Variants in PTPRM observed in about 807,000 individuals in gnomAD.
The protein encoded by PTPRM is receptor-type tyrosine-protein phosphatase mu.
In PTPRM, 47 loss-of-function variants were observed where a neutral mutation model predicts 186.7. That is an observed-to-expected ratio of 0.25 (90% CI 0.20 to 0.32). PTPRM has a LOEUF of 0.32. Among genes scored for constraint, PTPRM ranks in the 10% least tolerant of loss-of-function variants. The pLI, the probability that PTPRM is intolerant of heterozygous loss-of-function variation, is 1.00. For synonymous variants in PTPRM, 668 were observed against 674.9 expected (o/e 0.99, Z 0.16); for missense variants, 1,494 against 1,865.0 (o/e 0.80, Z 3.66).
intron 7 of PTPRM, among the ~76,000 whole-genome samples, chr18:8,049,853 A>G (rs1483836271): frequency 1.3e-5 from 2 of 151,910 alleles, no homozygotes; most frequent in African/African-American, 4.8e-5. Flanking sequence ...CTGAGACTAT[A>G]GGCACACACC....
chr18:7,777,461 C>T (rs1598652379), intron 2 of PTPRM, among the ~76,000 whole-genome samples: 1 of 152,314 alleles, frequency 6.6e-6, no homozygotes, highest in Non-Finnish European at 1.5e-5. Context: ...TTTCAAGCTA[C>T]AGTGAGAGTT....
intron 6 of PTPRM, among the ~76,000 whole-genome samples, chr18:7,951,664 C>G (rs923267746): frequency 5.9e-5 from 9 of 152,080 alleles, no homozygotes; most frequent in African/African-American, 1.7e-4. Context: ...AATTTGCATG[C>G]AGTTAGGACT....
At chr18:8,340,576 T>A (rs1222288923) in intron 22 of PTPRM, among the ~76,000 whole-genome samples, 1 of 152,202 alleles carries the variant, frequency 6.6e-6, no homozygotes, top group Non-Finnish European at 1.5e-5. Flanking sequence ...TGAGGTGGCA[T>A]GGTCATGTTC....
chr18:7,725,415 A>AG (rs1382552419), intron 1 of PTPRM, among the ~76,000 whole-genome samples: 1 of 152,112 alleles, frequency 6.6e-6, no homozygotes, highest in Non-Finnish European at 1.5e-5. Context: ...AATTCTGGGC[A>AG]GAAAAGGACG....
intron 4 of PTPRM, among the ~76,000 whole-genome samples, chr18:7,918,651 T>C (rs144958639): frequency 6.6e-6 from 1 of 152,202 alleles, no homozygotes; most frequent in African/African-American, 2.4e-5. Flanking sequence ...TTGGACTATT[T>C]GTATTTTTGC....
intron 7 of PTPRM, among the ~76,000 whole-genome samples, chr18:8,014,826 T>C (rs1025529782): frequency 6.6e-6 from 1 of 152,168 alleles, no homozygotes; most frequent in African/African-American, 2.4e-5. Flanking sequence ...GGATTATCCT[T>C]TGTAATAGCT....
At chr18:8,273,294 A>G (rs1032318638) in intron 19 of PTPRM, among the ~76,000 whole-genome samples, 1 of 152,140 alleles carries the variant, frequency 6.6e-6, no homozygotes, top group South Asian at 2.1e-4. Flanking sequence ...TTCCCTATAT[A>G]GGAAGTTCAT....
At chr18:8,192,475 C>A (rs1428506953) in intron 14 of PTPRM, among the ~76,000 whole-genome samples, 1 of 152,092 alleles carries the variant, frequency 6.6e-6, no homozygotes, top group Non-Finnish European at 1.5e-5. Context: ...CAAAAGAACA[C>A]AAGAGCCTGC....
rs138480913 is a variant in PTPRM, at chr18:7,832,710, G to A, written c.197-55396G>A. Among the ~76,000 whole-genome samples the A allele has an allele frequency of 7.3e-4, 111 of 152,198 alleles. 1 individual carries two copies. Among genetic ancestry groups the A allele is most frequent in the African/African-American group, 2.6e-3 (109 of 41,522 alleles). ...TATTTGCCCAGACCAATGTCCTGGC[G>A]AGCTCTTCTGATGTTTTATTGTAGT... On this transcript the variant is annotated intron_variant, in intron 2 of 32. Coordinates refer to ENST00000580170, the MANE Select transcript of PTPRM (RefSeq NM_001105244.2).
Position 8,238,670 on chromosome 18 carries a change from T to TTTTTG in PTPRM, c.2301-5384_2301-5383insGTTTT, listed in dbSNP as rs1568578317. Among the ~76,000 whole-genome samples, 58 of 105,696 alleles carry TTTTTG rather than the reference T, an allele frequency of 5.5e-4. 1 individual carries two copies. The highest frequency in any genetic ancestry group is 2.2e-3 in the African/African-American group (54 of 24,202). The allele number at this position is 105,696 out of a possible 152,430, so 69.3% of individuals were successfully genotyped here. Reference sequence around the variant, plus strand: ...TTGTGTGTTTTTTTTTTTTTTTTTTTTTTTTTTTTTTTTTGCGAAGCTACA... The same window carrying TTTTTG: ...TTGTGTGTTTTTTTTTTTTTTTTTTTTTTTGTTTTTTTTTTTTTTGCGAAGCTACA... On this transcript the variant is annotated intron_variant, in intron 14 of 32. Transcript: ENST00000580170.
chr18:8,235,401 T>G (rs1426114067), intron 14 of PTPRM, among the ~76,000 whole-genome samples: 1 of 151,428 alleles, frequency 6.6e-6, no homozygotes, highest in Non-Finnish European at 1.5e-5. Context: ...TTAATGTCCA[T>G]GGGATCTGTA....
chr18:7,905,043 G>A (rs2049905319), intron 3 of PTPRM, among the ~76,000 whole-genome samples: 1 of 151,574 alleles, frequency 6.6e-6, no homozygotes, highest in South Asian at 2.1e-4. Flanking sequence ...GCCCAGGCTG[G>A]AGTGCAATGG....
intron 2 of PTPRM, among the ~76,000 whole-genome samples, chr18:7,852,560 C>A (rs369849526): frequency 4.6e-5 from 7 of 151,768 alleles, no homozygotes; most frequent in Non-Finnish European, 7.4e-5. Flanking sequence ...TAGTGGCGGG[C>A]GCCTGTAGTT....
In PTPRM at chr18:7,934,808, G is replaced by A. The variant is rs181038762; in HGVS notation, c.663+8125G>A. ...TCACAAGAGCTCGGATTTGAACCCA[G>A]GCCGTCTATGTTGTATCGTAACCAT... is the stretch of plus-strand genomic sequence containing the variant. On this transcript the variant is annotated intron_variant, in intron 5 of 32. Coordinates refer to ENST00000580170, the MANE Select transcript of PTPRM (RefSeq NM_001105244.2). 1.2e-4 allele frequency among the ~76,000 whole-genome samples: 18 copies of A among 152,236 alleles called. No individual in the cohort carries two copies. In the East Asian group the frequency reaches 3.3e-3, roughly 28 times the overall value.
intron 1 of PTPRM, among the ~76,000 whole-genome samples, chr18:7,709,239 G>T (rs1202562602): frequency 6.6e-6 from 1 of 152,032 alleles, no homozygotes; most frequent in African/African-American, 2.4e-5. Flanking sequence ...AATAAAACTG[G>T]AAATTAACTT....
chr18:8,171,719 T>TC (rs1156743133), intron 14 of PTPRM, among the ~76,000 whole-genome samples: 1 of 152,172 alleles, frequency 6.6e-6, no homozygotes, highest in Non-Finnish European at 1.5e-5. Flanking sequence ...GTGGTAATCC[T>TC]CTGAATGGCC....
intron 2 of PTPRM, among the ~76,000 whole-genome samples, chr18:7,834,388 A>G (rs1567889119): frequency 6.8e-6 from 1 of 147,756 alleles, no homozygotes; most frequent in African/African-American, 2.5e-5. Context: ...TGTATTTTAT[A>G]TATACATATG....
chr18:7,570,938 TG>T (rs1598431951), intron 1 of PTPRM, among the ~76,000 whole-genome samples: 1 of 73,972 alleles, frequency 1.4e-5, no homozygotes, highest in African/African-American at 5.0e-5. Flanking sequence ...TACAAAATTG[TG>T]GGTTTTTTTT....
intron 7 of PTPRM, among the ~76,000 whole-genome samples, chr18:8,053,262 A>G (rs2087642887): frequency 6.6e-6 from 1 of 152,194 alleles, no homozygotes; most frequent in Non-Finnish European, 1.5e-5. Flanking sequence ...TTAGTGTAGC[A>G]TAAATTATCA....
Sources: allele counts gnomAD v4.1 joint callset (sites outside exome capture counted in the v4.1 genomes callset), GRCh38; gene constraint gnomAD v4.1.1; transcripts MANE v1.5; gene names NCBI Gene and HGNC (gene_info 2026-07-23, HGNC 2026-07-21).